XXYLT1: variants seen among roughly 807,000 people sequenced by gnomAD.
XXYLT1 encodes the protein UDP-xylose:alpha-xyloside alpha-1,3-xylosyltransferase.
A neutral mutation model predicts 28.9 loss-of-function variants in XXYLT1; 20 were observed. The ratio of observed to expected loss-of-function variants is 0.69; its 90% confidence interval spans 0.49 to 1.00. XXYLT1 has a LOEUF of 1.00. XXYLT1 is among the 50% of genes least tolerant of loss of function. The pLI, the probability that XXYLT1 is intolerant of heterozygous loss-of-function variation, is 0.00. For missense variants in XXYLT1, 542 were observed against 560.1 expected, an observed-to-expected ratio of 0.97 and a Z score of 0.33; for synonymous variants, 257 against 253.8, an observed-to-expected ratio of 1.01 and a Z score of -0.12.
chr3:195,112,973 T>C (rs1384766421), intron 3 of XXYLT1, among the ~76,000 whole-genome samples: 1 of 152,242 alleles, frequency 6.6e-6, no homozygotes, highest in Non-Finnish European at 1.5e-5. Context: ...AAATCCAATC[T>C]GGGTTTCAAC....
At chr3:195,266,289 A>T (rs1725847633) in intron 1 of XXYLT1, among the ~76,000 whole-genome samples, 1 of 152,160 alleles carries the variant, frequency 6.6e-6, no homozygotes, top group East Asian at 1.9e-4. Flanking sequence ...AGGTCAAGAG[A>T]TCGAGACCAT....
intron 1 of XXYLT1, among the ~76,000 whole-genome samples, chr3:195,249,760 G>C (rs1038519766): frequency 6.6e-6 from 1 of 152,236 alleles, no homozygotes; most frequent in African/African-American, 2.4e-5. Context: ...CCCAAGCGCT[G>C]TCAAAAGAGG....
At chr3:195,193,813 A>G (rs1114507) in intron 2 of XXYLT1, among the ~76,000 whole-genome samples, 12,918 of 152,256 alleles carry the variant, frequency 0.085, 795 homozygotes, top group East Asian at 0.28. Flanking sequence ...CAACGGGTAA[A>G]GGACAGTCAA....
intron 1 of XXYLT1, chr3:195,259,462 G>A: frequency 1.8e-6 from 1 of 543,638 alleles, no homozygotes; most frequent in Non-Finnish European, 2.3e-6. Context: ...TAAGAGCCCT[G>A]GATGGGAAGG....
At chr3:195,206,021 ATTTTTTTTT>A (rs777561871) in intron 2 of XXYLT1, among the ~76,000 whole-genome samples, 1 of 125,426 alleles carries the variant, frequency 8.0e-6, no homozygotes, top group Non-Finnish European at 1.6e-5. Flanking sequence ...TTAAAGTTTA[ATTTTTTTTT>A]TTTTTTTTTT....
intron 3 of XXYLT1, among the ~76,000 whole-genome samples, chr3:195,085,065 C>A (rs1715645125): frequency 6.6e-6 from 1 of 152,216 alleles, no homozygotes; most frequent in Admixed American, 6.5e-5. Context: ...GTGGACGTAA[C>A]CTTCTCCCAA....
At chr3:195,200,345 G>T (rs6782078) in intron 2 of XXYLT1, among the ~76,000 whole-genome samples, 1 of 152,150 alleles carries the variant, frequency 6.6e-6, no homozygotes. Flanking sequence ...TCTGTAAAAT[G>T]GGATAAATGA....
intron 3 of XXYLT1, among the ~76,000 whole-genome samples, chr3:195,137,507 A>G (rs1272371939): frequency 6.6e-6 from 1 of 152,202 alleles, no homozygotes; most frequent in African/African-American, 2.4e-5. Context: ...AAGACCGTGA[A>G]GAGAAAGGGG....
intron 3 of XXYLT1, among the ~76,000 whole-genome samples, chr3:195,113,719 G>A (rs1265169293): frequency 1.3e-5 from 2 of 152,174 alleles, no homozygotes; most frequent in Non-Finnish European, 2.9e-5. Flanking sequence ...TTGGCTGAGG[G>A]AGCCTGCACA....
At chr3:195,189,075 A>C (rs1722318158) in intron 2 of XXYLT1, among the ~76,000 whole-genome samples, 1 of 152,210 alleles carries the variant, frequency 6.6e-6, no homozygotes. Flanking sequence ...AGTGATTTAC[A>C]TTGATTAACT....
intron 3 of XXYLT1, among the ~76,000 whole-genome samples, chr3:195,088,164 G>C (rs556396505): frequency 0.17 from 24,911 of 150,950 alleles, 2,335 homozygotes; most frequent in Admixed American, 0.28. Flanking sequence ...CGGGAAGCTC[G>C]AACTGGGTGG....
At chr3:195,106,468 C>G (rs1159323798) in intron 3 of XXYLT1, among the ~76,000 whole-genome samples, 1 of 152,268 alleles carries the variant, frequency 6.6e-6, no homozygotes, top group Non-Finnish European at 1.5e-5. Flanking sequence ...TCCCTTCTCC[C>G]GGGCCTCACG....
chr3:195,238,509 T>A (rs1390295202), intron 1 of XXYLT1, among the ~76,000 whole-genome samples: 1 of 152,228 alleles, frequency 6.6e-6, no homozygotes, highest in Non-Finnish European at 1.5e-5. Context: ...ACTGGCCACA[T>A]GACAGGCCAC....
At chr3:195,169,801 T>C (rs1321318013) in intron 2 of XXYLT1, among the ~76,000 whole-genome samples, 1 of 151,704 alleles carries the variant, frequency 6.6e-6, no homozygotes, top group Non-Finnish European at 1.5e-5. Context: ...TAATATATGT[T>C]CTATGTAGGA....
intron 3 of XXYLT1, among the ~76,000 whole-genome samples, chr3:195,105,488 C>T (rs974876592): frequency 1.3e-5 from 2 of 152,186 alleles, no homozygotes; most frequent in African/African-American, 4.8e-5. Context: ...CAAAGGGCCA[C>T]GTGAAGTCCA....
intron 3 of XXYLT1, among the ~76,000 whole-genome samples, chr3:195,120,116 C>A (rs535924493): frequency 2.6e-5 from 4 of 152,364 alleles, no homozygotes; most frequent in African/African-American, 9.6e-5. Flanking sequence ...CCTCTGTCTT[C>A]AGCCTAAGGC....
At chr3:195,248,691 G>T (rs150722416) in intron 1 of XXYLT1, among the ~76,000 whole-genome samples, 1 of 152,150 alleles carries the variant, frequency 6.6e-6, no homozygotes. Context: ...GCCAAGGCGG[G>T]TGGATAACCT....
intron 2 of XXYLT1, among the ~76,000 whole-genome samples, chr3:195,197,004 G>A (rs905005903): frequency 2.0e-5 from 3 of 152,194 alleles, no homozygotes; most frequent in Non-Finnish European, 4.4e-5. Context: ...ACCCTGGATA[G>A]GAAAAAATCA....
chr3:195,266,987 AAACT>A (rs1240007759), intron 1 of XXYLT1, among the ~76,000 whole-genome samples: 2 of 152,254 alleles, frequency 1.3e-5, no homozygotes, highest in Admixed American at 6.5e-5. Flanking sequence ...CACAGATAAT[AAACT>A]AACAGATTAA....
Sources: gnomAD v4.1 joint callset for allele counts (sites outside exome capture counted in the v4.1 genomes callset) on GRCh38, gnomAD v4.1.1 for gene constraint, MANE v1.5 for transcripts, NCBI Gene and HGNC (gene_info 2026-07-23, HGNC 2026-07-21) for gene names.